Variants in MARCHF1 observed in about 807,000 individuals in gnomAD.
MARCHF1 encodes membrane associated ring-CH-type finger 1.
A neutral mutation model predicts 54.2 loss-of-function variants in MARCHF1; 40 were observed. That is an observed-to-expected ratio of 0.74 (90% CI 0.57 to 0.96). MARCHF1 has a LOEUF of 0.96. Ranked by LOEUF, MARCHF1 falls within the 40% of genes least tolerant of loss-of-function variation. MARCHF1 has a pLI of 0.00. For missense variants in MARCHF1, 586 were observed against 656.5 expected (o/e 0.89, Z 1.17); for synonymous variants, 236 against 236.3 (o/e 1.00, Z 0.01).
chr4:163,931,055 G>C (rs574666750), intron 3 of MARCHF1, among the ~76,000 whole-genome samples: 1 of 152,174 alleles, frequency 6.6e-6, no homozygotes, highest in South Asian at 2.1e-4. Context: ...CCATAAGTTT[G>C]CTGGCTTTCT....
At chr4:163,700,576 G>C (rs1329116267) in intron 5 of MARCHF1, among the ~76,000 whole-genome samples, 1 of 139,614 alleles carries the variant, frequency 7.2e-6, no homozygotes, top group Non-Finnish European at 1.6e-5. Flanking sequence ...AAGGAAGGAA[G>C]GAAGGAAGGA....
At chr4:163,878,065 C>T (rs1750332340) in intron 3 of MARCHF1, among the ~76,000 whole-genome samples, 1 of 152,172 alleles carries the variant, frequency 6.6e-6, no homozygotes. Flanking sequence ...CCCTTCCAGC[C>T]ACTTTGTCAG....
At chr4:163,802,104 C>T (rs550941191) in intron 4 of MARCHF1, among the ~76,000 whole-genome samples, 2 of 146,894 alleles carry the variant, frequency 1.4e-5, no homozygotes, top group African/African-American at 5.0e-5. Context: ...TCATTCAATT[C>T]AACATGTCAC....
intron 5 of MARCHF1, among the ~76,000 whole-genome samples, chr4:163,634,479 A>G (rs1742237178): frequency 6.8e-6 from 1 of 146,566 alleles, no homozygotes; most frequent in Admixed American, 6.8e-5. Context: ...TTAAACCAAC[A>G]AAGATCAAAA....
chr4:164,103,860 G>C (rs1755628695), intron 2 of MARCHF1, among the ~76,000 whole-genome samples: 1 of 141,080 alleles, frequency 7.1e-6, no homozygotes, highest in Admixed American at 6.9e-5. Flanking sequence ...AAAATTGATA[G>C]ACTGCTAGCA....
At chr4:164,196,948 G>C in intron 1 of MARCHF1, 1 of 1,594,868 alleles carries the variant, frequency 6.3e-7, no homozygotes, top group Non-Finnish European at 8.6e-7. Flanking sequence ...ATCACAATAG[G>C]AATTTTTCAA....
chr4:164,371,735 G>T (rs915845961), intron 1 of MARCHF1, among the ~76,000 whole-genome samples: 2 of 152,208 alleles, frequency 1.3e-5, no homozygotes, highest in African/African-American at 4.8e-5. Flanking sequence ...CATTGCTGAC[G>T]GACATGTAAG....
intron 1 of MARCHF1, among the ~76,000 whole-genome samples, chr4:164,153,188 C>T (rs1007039523): frequency 2.0e-5 from 3 of 152,134 alleles, no homozygotes; most frequent in African/African-American, 4.8e-5. Flanking sequence ...TACTAATGCA[C>T]ACAAACAGAA....
intron 3 of MARCHF1, among the ~76,000 whole-genome samples, chr4:163,931,468 C>T (rs966753548): frequency 6.6e-6 from 1 of 152,026 alleles, no homozygotes; most frequent in Admixed American, 6.6e-5. Flanking sequence ...TAAAGGAGGC[C>T]TCAGGAGGCG....
intron 8 of MARCHF1, among the ~76,000 whole-genome samples, chr4:163,570,957 T>C (rs1241717251): frequency 1.3e-5 from 2 of 152,272 alleles, no homozygotes; most frequent in East Asian, 3.9e-4. Flanking sequence ...TGATATAAAG[T>C]AAATTGTCTG....
chr4:164,228,786 A>G (rs1331732955), intron 1 of MARCHF1, among the ~76,000 whole-genome samples: 1 of 152,200 alleles, frequency 6.6e-6, no homozygotes, highest in African/African-American at 2.4e-5. Flanking sequence ...CTTTCTCGAT[A>G]AGAGAAAACA....
intron 1 of MARCHF1, among the ~76,000 whole-genome samples, chr4:164,199,634 A>ACT (rs1731384071): frequency 1.1e-5 from 1 of 94,180 alleles, no homozygotes; most frequent in East Asian, 4.8e-4. Context: ...GGACTCTGTC[A>ACT]CACACACACA....
At chr4:163,632,720 A>T (rs554518493) in intron 5 of MARCHF1, among the ~76,000 whole-genome samples, 2 of 152,350 alleles carry the variant, frequency 1.3e-5, no homozygotes, top group African/African-American at 4.8e-5. Context: ...AGCAGCCTGG[A>T]AGCTCGAACT....
At position 163,536,073 on chromosome 4, in the gene MARCHF1, G is replaced by A. The variant is rs771452406; in HGVS notation, c.1340-7027C>T. ...CCTGCTGTGGAAGACAATAACTTAC[G>A]TCTCTTTATTGGGAAATTTGCAGAA... On this transcript the variant is annotated intron_variant, in intron 9 of 9. Transcript: ENST00000514618. Among the ~76,000 whole-genome samples the A allele has an allele frequency of 5.3e-5, 8 of 152,140 alleles. 1 individual carries two copies. Among genetic ancestry groups the A allele is most frequent in the Middle Eastern group, 3.2e-3 (1 of 316 alleles).
At chr4:163,985,971 A>G (rs1338385243) in intron 3 of MARCHF1, among the ~76,000 whole-genome samples, 1 of 152,168 alleles carries the variant, frequency 6.6e-6, no homozygotes, top group Middle Eastern at 3.2e-3. Context: ...TCCAAAACAC[A>G]GATGTATGCT....
chr4:163,734,350 A>G (rs1479605770), intron 4 of MARCHF1, among the ~76,000 whole-genome samples: 1 of 152,194 alleles, frequency 6.6e-6, no homozygotes, highest in Non-Finnish European at 1.5e-5. Context: ...AAATTAAAGC[A>G]TATGTGCAGA....
intron 3 of MARCHF1, among the ~76,000 whole-genome samples, chr4:163,893,392 G>A (rs1197219962): frequency 1.3e-5 from 2 of 152,116 alleles, no homozygotes; most frequent in Admixed American, 1.3e-4. Flanking sequence ...GCCCACCTCT[G>A]CCTCCCAAAG....
chr4:164,139,102 G>C (rs1301205880), intron 1 of MARCHF1, among the ~76,000 whole-genome samples: 1 of 152,122 alleles, frequency 6.6e-6, no homozygotes, highest in Non-Finnish European at 1.5e-5. Flanking sequence ...ATAAAGTTTT[G>C]TGGTAAGATG....
At chr4:164,063,254 T>C (rs1754659270) in intron 2 of MARCHF1, among the ~76,000 whole-genome samples, 1 of 152,220 alleles carries the variant, frequency 6.6e-6, no homozygotes, top group Admixed American at 6.5e-5. Flanking sequence ...AAGCTCTGAG[T>C]CCTGGCACGG....
Sources: gnomAD v4.1 joint callset for allele counts (sites outside exome capture counted in the v4.1 genomes callset) on GRCh38, gnomAD v4.1.1 for gene constraint, MANE v1.5 for transcripts, NCBI Gene and HGNC (gene_info 2026-07-23, HGNC 2026-07-21) for gene names.